NCKAP5: variants seen among roughly 807,000 people sequenced by gnomAD.
NCKAP5 encodes the protein NCK associated protein 5.
NCKAP5 carries 92 observed loss-of-function variants against 167.0 expected under a neutral mutation model. The ratio of observed to expected loss-of-function variants is 0.55; its 90% CI spans 0.47 to 0.66. The LOEUF (loss-of-function observed/expected upper bound fraction) is 0.66, where lower values mean the gene tolerates loss of function less well. Among genes scored for constraint, NCKAP5 ranks in the 30% least tolerant of loss-of-function variants. The pLI, the probability that NCKAP5 is intolerant of heterozygous loss-of-function variation, is 0.00. For synonymous variants in NCKAP5, 891 were observed against 877.4 expected (o/e 1.02, Z -0.27); for missense variants, 2,378 against 2,315.0 (o/e 1.03, Z -0.56).
intron 3 of NCKAP5, among the ~76,000 whole-genome samples, chr2:133,471,288 T>G (rs958404300): frequency 1.3e-5 from 2 of 152,332 alleles, no homozygotes; most frequent in Admixed American, 6.5e-5. Context: ...TCCTGCTAAG[T>G]GAGCGGCTCA....
chr2:132,985,499 T>C (rs1007778068), intron 7 of NCKAP5, among the ~76,000 whole-genome samples: 2 of 152,194 alleles, frequency 1.3e-5, no homozygotes, highest in South Asian at 4.1e-4. Context: ...CTGTAGGATG[T>C]AGAATAAAAA....
chr2:133,414,071 A>C (rs1688949737), intron 3 of NCKAP5, among the ~76,000 whole-genome samples: 1 of 152,204 alleles, frequency 6.6e-6, no homozygotes, highest in Non-Finnish European at 1.5e-5. Flanking sequence ...TAGAAGAACC[A>C]CTTAGGATGG....
chr2:132,774,585 C>T (rs1342627816), intron 15 of NCKAP5, among the ~76,000 whole-genome samples: 1 of 152,058 alleles, frequency 6.6e-6, no homozygotes, highest in Non-Finnish European at 1.5e-5. Flanking sequence ...AATGAAGTTC[C>T]AGTATTTTAC....
chr2:133,632,264 T>C, the NCKAP5 span, among the ~76,000 whole-genome samples: 1 of 152,228 alleles, frequency 6.6e-6, no homozygotes, highest in Non-Finnish European at 1.5e-5. Flanking sequence ...ACTACATTTT[T>C]GGGGACTCAA....
intron 4 of NCKAP5, among the ~76,000 whole-genome samples, chr2:133,275,935 G>T (rs146101314): frequency 6.6e-6 from 1 of 151,826 alleles, no homozygotes; most frequent in African/African-American, 2.4e-5. Context: ...CTTATACACA[G>T]ATTTTTTTTT....
chr2:133,086,728 G>A (rs902655315), intron 6 of NCKAP5, among the ~76,000 whole-genome samples: 3 of 152,030 alleles, frequency 2.0e-5, no homozygotes, highest in East Asian at 3.9e-4. Flanking sequence ...GATCATACAT[G>A]TTTTATAACA....
At chr2:133,619,013 G>A in the NCKAP5 span, among the ~76,000 whole-genome samples, 1 of 143,762 alleles carries the variant, frequency 7.0e-6, no homozygotes, top group East Asian at 2.0e-4. Context: ...TAGGGACATG[G>A]ATGAAATTGG....
the NCKAP5 span, among the ~76,000 whole-genome samples, chr2:133,602,582 G>A: frequency 6.6e-6 from 1 of 152,186 alleles, no homozygotes; most frequent in Non-Finnish European, 1.5e-5. Context: ...GAGGTCTGCC[G>A]GCATTTTCCA....
intron 7 of NCKAP5, among the ~76,000 whole-genome samples, chr2:132,993,066 C>CA (rs2077492220): frequency 6.6e-6 from 1 of 152,192 alleles, no homozygotes; most frequent in Admixed American, 6.6e-5. Flanking sequence ...GCAGAGCCCA[C>CA]AAATTCAGGT....
chr2:133,443,371 C>T (rs1426265388), intron 3 of NCKAP5, among the ~76,000 whole-genome samples: 1 of 152,166 alleles, frequency 6.6e-6, no homozygotes, highest in Non-Finnish European at 1.5e-5. Flanking sequence ...TGTGCTCCTC[C>T]AGTAATGGCC....
chr2:133,166,777 G>C (rs1349683428), intron 5 of NCKAP5, among the ~76,000 whole-genome samples: 2 of 152,092 alleles, frequency 1.3e-5, no homozygotes, highest in Non-Finnish European at 2.9e-5. Flanking sequence ...CTGAACTACA[G>C]CTACCAAAAA....
Position 132,834,986 on chromosome 2 carries a change from C to A in NCKAP5, c.807+25506G>T, listed in dbSNP as rs184968437. 3.2e-3 allele frequency among the ~76,000 whole-genome samples: 482 copies of A among 152,150 alleles called. 3 individuals carry two copies. The highest frequency in any genetic ancestry group is 0.011 in the African/African-American group (470 of 41,490). On this transcript the variant is annotated intron_variant, in intron 11 of 19. Coordinates refer to ENST00000409261, the MANE Select transcript of NCKAP5 (RefSeq NM_207363.3). Reference sequence around the variant, plus strand: ...GGCCTTTATTATGTTGAGGTATGTTCCTTTAATGCCTACTTTGTTGAGGGT... The same window carrying A: ...GGCCTTTATTATGTTGAGGTATGTTACTTTAATGCCTACTTTGTTGAGGGT...
chr2:133,510,890 T>C (rs1683429695), intron 3 of NCKAP5, among the ~76,000 whole-genome samples: 1 of 152,216 alleles, frequency 6.6e-6, no homozygotes. Context: ...ATTTGTAAAA[T>C]AGGGGTAATT....
intron 7 of NCKAP5, among the ~76,000 whole-genome samples, chr2:132,977,264 C>T (rs73956090): frequency 0.011 from 1,690 of 152,298 alleles, 26 homozygotes; most frequent in African/African-American, 0.038. Flanking sequence ...TACTGCTGAA[C>T]TACTTAACTA....
intron 3 of NCKAP5, among the ~76,000 whole-genome samples, chr2:133,469,656 T>G (rs552483805): frequency 6.6e-6 from 1 of 152,126 alleles, no homozygotes; most frequent in Non-Finnish European, 1.5e-5. Context: ...ACCCATCAGA[T>G]GTAGATTTGG....
At chr2:133,639,677 T>C in the NCKAP5 span, among the ~76,000 whole-genome samples, 6 of 152,236 alleles carry the variant, frequency 3.9e-5, no homozygotes, top group East Asian at 1.2e-3. Context: ...GAAACCCTTT[T>C]GTAGGAGACC....
chr2:133,062,198 T>C (rs932024142), intron 6 of NCKAP5, among the ~76,000 whole-genome samples: 1 of 152,180 alleles, frequency 6.6e-6, no homozygotes, highest in African/African-American at 2.4e-5. Flanking sequence ...TCAGCCTCCA[T>C]GGTAAAGACA....
intron 3 of NCKAP5, among the ~76,000 whole-genome samples, chr2:133,313,468 T>C (rs1681391450): frequency 6.6e-6 from 1 of 152,222 alleles, no homozygotes; most frequent in Non-Finnish European, 1.5e-5. Flanking sequence ...TACTTAGATA[T>C]TCTTTTTTAG....
intron 19 of NCKAP5, among the ~76,000 whole-genome samples, chr2:132,716,066 C>T (rs1243679507): frequency 6.6e-6 from 1 of 152,196 alleles, no homozygotes; most frequent in Non-Finnish European, 1.5e-5. Flanking sequence ...TTAGTATCCC[C>T]TTCCCTCTCT....
Sources: gnomAD v4.1 joint callset for allele counts (sites outside exome capture counted in the v4.1 genomes callset) on GRCh38, gnomAD v4.1.1 for gene constraint, MANE v1.5 for transcripts, NCBI Gene and HGNC (gene_info 2026-07-23, HGNC 2026-07-21) for gene names.